AVEN: variants seen among roughly 807,000 people sequenced by gnomAD.
The protein encoded by AVEN is cell death regulator Aven.
A neutral mutation model predicts 38.1 loss-of-function variants in AVEN; 41 were observed. The ratio of observed to expected loss-of-function variants is 1.08; its 90% CI spans 0.84 to 1.40. The LOEUF is 1.40. Among genes scored for constraint, AVEN ranks in the 40% most tolerant of loss-of-function variants. The probability of loss-of-function intolerance (pLI) is 0.00; values close to 1 mark genes in which losing one functional copy is unlikely to be tolerated. For synonymous variants in AVEN, 206 were observed against 171.8 expected (o/e 1.20, Z -1.56); for missense variants, 605 against 438.8 (o/e 1.38, Z -3.38).
chr15:34,026,155 C>T (rs1187043428), intron 1 of AVEN, among the ~76,000 whole-genome samples: 1 of 152,136 alleles, frequency 6.6e-6, no homozygotes, highest in Non-Finnish European at 1.5e-5. Context: ...TAAATGCATA[C>T]ATATACCTTA....
downstream of AVEN, chr15:33,854,642 C>T (rs2079455425): frequency 1.5e-6 from 2 of 1,300,490 alleles, no homozygotes; most frequent in South Asian, 1.4e-5. Flanking sequence ...TGGGCCAGCT[C>T]ACAGCACCTC....
At chr15:33,944,890 A>G (rs560599852) in intron 2 of AVEN, among the ~76,000 whole-genome samples, 2 of 152,206 alleles carry the variant, frequency 1.3e-5, no homozygotes, top group African/African-American at 2.4e-5. Context: ...CTTTCCATTA[A>G]AGCAGATATA....
chr15:33,942,511 T>C (rs1312296697), intron 2 of AVEN, among the ~76,000 whole-genome samples: 1 of 151,956 alleles, frequency 6.6e-6, no homozygotes, highest in East Asian at 1.9e-4. Context: ...AGTGCAGTGG[T>C]GCGATCTCTG....
At chr15:33,862,324 T>TCAGCCTCCTG (rs1196851463), downstream of AVEN, among the ~76,000 whole-genome samples, 2 of 152,060 alleles carry the variant, frequency 1.3e-5, no homozygotes, top group East Asian at 3.9e-4. Context: ...GACATCCGCC[T>TCAGCCTCCTG]CAGCCTCCTG....
At chr15:33,855,054 G>A, downstream of AVEN, 1 of 868,644 alleles carries the variant, frequency 1.2e-6, no homozygotes, top group Non-Finnish European at 1.6e-6. Flanking sequence ...TTCAACTAAT[G>A]GTGATTGTTT....
intron 2 of AVEN, among the ~76,000 whole-genome samples, chr15:33,881,688 G>A (rs1286323841): frequency 6.6e-6 from 1 of 152,206 alleles, no homozygotes; most frequent in Non-Finnish European, 1.5e-5. Flanking sequence ...AAAGTATGGT[G>A]ATTCACCAAA....
At chr15:33,924,976 T>A (rs1031136814) in intron 2 of AVEN, among the ~76,000 whole-genome samples, 1 of 152,238 alleles carries the variant, frequency 6.6e-6, no homozygotes, top group Admixed American at 6.5e-5. Flanking sequence ...TAAACATATT[T>A]TTAGAACTCC....
Position 33,899,460 on chromosome 15 carries a change from C to CTTTTTTTTTTTTTTTTTTTTTTTTTTT in AVEN, c.446-23492_446-23466dup, listed in dbSNP as rs533788693. On this transcript the variant is annotated intron_variant, in intron 2 of 5. Transcript: ENST00000306730. The stretch of plus-strand genomic sequence containing the variant: ...TACATTTATTTGCTTCAGGGAAAAC[C>CTTTTTTTTTTTTTTTTTTTTTTTTTTT]TTTTTTTTTTTTTTTTTTTTTTTTT... 1.7e-3 allele frequency among the ~76,000 whole-genome samples: 110 copies of CTTTTTTTTTTTTTTTTTTTTTTTTTTT among 65,432 alleles called. 14 individuals are homozygous for CTTTTTTTTTTTTTTTTTTTTTTTTTTT. Among genetic ancestry groups the CTTTTTTTTTTTTTTTTTTTTTTTTTTT allele is most frequent in the Admixed American group, 2.7e-3 (12 of 4,372 alleles). 42.9% of individuals were successfully genotyped at this position (65,432 alleles called of 152,430 possible). A position where few individuals can be genotyped will look rare whatever the true frequency, so the allele number is the denominator to read the frequency against.
chr15:33,998,896 T>C (rs553050713), intron 2 of AVEN, among the ~76,000 whole-genome samples: 3 of 152,318 alleles, frequency 2.0e-5, no homozygotes, highest in Admixed American at 6.5e-5. Context: ...TGTCATCTCA[T>C]ACATTCTCAC....
intron 5 of AVEN, among the ~76,000 whole-genome samples, chr15:34,060,563 G>C (rs189755390): frequency 6.6e-6 from 1 of 152,268 alleles, no homozygotes; most frequent in African/African-American, 2.4e-5. Flanking sequence ...TTGCCCACAT[G>C]GGGTATTTTA....
downstream of AVEN, chr15:33,856,561 CTTCAAAG>C (rs2079682707): frequency 6.6e-6 from 1 of 152,276 alleles, no homozygotes; most frequent in African/African-American, 2.4e-5. Flanking sequence ...CTTAGAGTAA[CTTCAAAG>C]TTGTGACAAT....
chr15:33,905,757 T>C (rs1358394830), intron 2 of AVEN, among the ~76,000 whole-genome samples: 8 of 151,466 alleles, frequency 5.3e-5, no homozygotes, highest in Non-Finnish European at 1.0e-4. Flanking sequence ...GAGGTGGAAG[T>C]TGCAGTGAGC....
chr15:33,999,803 G>T (rs965314831), intron 2 of AVEN, among the ~76,000 whole-genome samples: 6 of 152,124 alleles, frequency 3.9e-5, no homozygotes, highest in African/African-American at 1.4e-4. Context: ...CTCCCCTCTT[G>T]CCAGTCTTCA....
At chr15:33,909,004 G>A (rs1171238825) in intron 2 of AVEN, among the ~76,000 whole-genome samples, 1 of 152,164 alleles carries the variant, frequency 6.6e-6, no homozygotes, top group Admixed American at 6.5e-5. Flanking sequence ...AAGTGTTTCT[G>A]TACATTTTTA....
At chr15:34,071,002 G>A (rs140477723) in intron 1 of AVEN, among the ~76,000 whole-genome samples, 6 of 152,234 alleles carry the variant, frequency 3.9e-5, no homozygotes, top group East Asian at 1.9e-4. Flanking sequence ...GTGTCAATGC[G>A]TCTGTCCAAA....
rs576506369 is a variant in AVEN at position 34,045,180 on chromosome 15, C to T, written n.1637+17742G>A. Among the ~76,000 whole-genome samples the T allele has an allele frequency of 3.3e-5, 5 of 152,308 alleles. No individual in the cohort carries two copies. In the South Asian group the frequency reaches 1.0e-3, roughly 32 times the overall value. On this transcript the variant is annotated intron_variant and non_coding_transcript_variant, in intron 5 of 11. Transcript: ENST00000675287. The stretch of plus-strand genomic sequence containing the variant: ...TTTTTCTTAGAGCTATAAAGATGAA[C>T]TCTTTCAGTTCAAGGACTATCGTAT...
intron 1 of AVEN, among the ~76,000 whole-genome samples, chr15:34,036,440 T>C (rs916813789): frequency 2.0e-5 from 3 of 152,220 alleles, no homozygotes; most frequent in African/African-American, 7.2e-5. Flanking sequence ...TGATTTTTTT[T>C]TCCTTTGATC....
intron 2 of AVEN, among the ~76,000 whole-genome samples, chr15:33,992,366 C>A (rs1053638654): frequency 3.3e-5 from 5 of 151,352 alleles, no homozygotes; most frequent in Admixed American, 3.3e-4. Context: ...CTCCAGCCTG[C>A]GCGACAGATC....
intron 11 of AVEN, chr15:33,859,628 T>G: frequency 6.2e-7 from 1 of 1,614,064 alleles, no homozygotes; most frequent in Non-Finnish European, 8.5e-7. Context: ...GCATTGGTGA[T>G]GAAATTGAAG....
Sources: allele counts gnomAD v4.1 joint callset (sites outside exome capture counted in the v4.1 genomes callset), GRCh38; gene constraint gnomAD v4.1.1; transcripts MANE v1.5; gene names NCBI Gene and HGNC (gene_info 2026-07-23, HGNC 2026-07-21).